Variants in UBE2G1 observed in about 807,000 individuals in gnomAD.
UBE2G1 encodes ubiquitin conjugating enzyme E2 G1.
Under a neutral mutation model 22.7 loss-of-function variants are expected in UBE2G1, and 5 were observed. That is an observed-to-expected ratio of 0.22 (90% confidence interval 0.12 to 0.46). UBE2G1 has a LOEUF of 0.46. Among genes scored for constraint, UBE2G1 ranks in the 20% least tolerant of loss-of-function variants. The pLI, the probability that UBE2G1 is intolerant of heterozygous loss-of-function variation, is 0.99. For synonymous variants in UBE2G1, 74 were observed against 67.5 expected (o/e 1.10, Z -0.47); for missense variants, 88 against 203.9 (o/e 0.43, Z 3.46).
intron 1 of UBE2G1, 96 bp downstream of exon 1, chr17:4,366,175 G>A (rs915555268): frequency 2.3e-6 from 3 of 1,330,876 alleles, no homozygotes; most frequent in Non-Finnish European, 3.0e-6. Flanking sequence ...GGGCCCCTTC[G>A]GCAGTACGGC....
At chr17:4,331,759 G>A (rs560230594) in intron 1 of UBE2G1, 1 of 152,202 alleles carries the variant, frequency 6.6e-6, no homozygotes, top group Non-Finnish European at 1.5e-5. Flanking sequence ...AGGGAGCAGA[G>A]AGCAGAATAC....
intron 1 of UBE2G1, among the ~76,000 whole-genome samples, chr17:4,319,581 A>G (rs1245768204): frequency 6.6e-6 from 1 of 152,186 alleles, no homozygotes; most frequent in African/African-American, 2.4e-5. Flanking sequence ...CAAAAAATAC[A>G]AAAATTAGCT....
chr17:4,276,223 C>T (rs1968819802), intron 5 of UBE2G1, among the ~76,000 whole-genome samples: 1 of 152,176 alleles, frequency 6.6e-6, no homozygotes, highest in Non-Finnish European at 1.5e-5. Flanking sequence ...CAGAGTTACC[C>T]TCTGTCGCCC....
At chr17:4,353,805 C>T (rs1402619399) in intron 1 of UBE2G1, among the ~76,000 whole-genome samples, 4 of 146,812 alleles carry the variant, frequency 2.7e-5, no homozygotes, top group Admixed American at 1.4e-4. Flanking sequence ...CCACCGTGCC[C>T]GGTCAAATTT....
At chr17:4,313,499 T>C (rs1346924114) in intron 1 of UBE2G1, among the ~76,000 whole-genome samples, 2 of 152,126 alleles carry the variant, frequency 1.3e-5, no homozygotes, top group African/African-American at 4.8e-5. Context: ...GAGATAAAAT[T>C]AAGAGTTGGA....
At chr17:4,325,479 A>G (rs909244120) in intron 1 of UBE2G1, among the ~76,000 whole-genome samples, 3 of 152,232 alleles carry the variant, frequency 2.0e-5, no homozygotes, top group Non-Finnish European at 4.4e-5. Context: ...TGAAAGAGAC[A>G]TATGCTGGAA....
At chr17:4,295,287 G>C (rs755821201) in intron 3 of UBE2G1, among the ~76,000 whole-genome samples, 1 of 152,148 alleles carries the variant, frequency 6.6e-6, no homozygotes, top group Non-Finnish European at 1.5e-5. Context: ...GCCATCAACT[G>C]TTAGAGATAT....
chr17:4,356,863 TAATG>T (rs1969911658), intron 1 of UBE2G1, among the ~76,000 whole-genome samples: 3 of 152,224 alleles, frequency 2.0e-5, no homozygotes, highest in Non-Finnish European at 4.4e-5. Flanking sequence ...GGATTGATAA[TAATG>T]CATGGTTACA....
At chr17:4,301,036 T>C (rs1969172291) in intron 2 of UBE2G1, among the ~76,000 whole-genome samples, 1 of 152,118 alleles carries the variant, frequency 6.6e-6, no homozygotes, top group Non-Finnish European at 1.5e-5. Flanking sequence ...GAGGCCTCCA[T>C]TACTGTTTTT....
At chr17:4,304,855 G>C (rs1165390081) in intron 2 of UBE2G1, among the ~76,000 whole-genome samples, 1 of 151,766 alleles carries the variant, frequency 6.6e-6, no homozygotes, top group Non-Finnish European at 1.5e-5. Flanking sequence ...ACTTCCAATA[G>C]TGCTCTTCAA....
rs1222590034 is a variant in UBE2G1 at position 4,270,426 on chromosome 17, G to A, written c.*2128C>T. ...TAGCCAGGCATGGTGGCATACACCT[G>A]TAGTCCTAGCTACTCAGGAGGCTGA... On this transcript the variant is annotated 3_prime_UTR_variant, in exon 6 of 6. Coordinates refer to ENST00000396981, the MANE Select transcript of UBE2G1 (RefSeq NM_003342.5). 1 of 152,138 alleles carries A rather than the reference G, an allele frequency of 6.6e-6. No individual in the cohort carries two copies. The highest frequency in any genetic ancestry group is 1.5e-5 in the Non-Finnish European group (1 of 68,146). The allele number at this position is 152,138 out of a possible 1,614,324, so 9.4% of individuals were successfully genotyped here.
At chr17:4,286,920 C>G (rs1968970585) in intron 4 of UBE2G1, among the ~76,000 whole-genome samples, 1 of 152,048 alleles carries the variant, frequency 6.6e-6, no homozygotes, top group Non-Finnish European at 1.5e-5. Flanking sequence ...TTCCGCACGT[C>G]TGTAATACCA....
chr17:4,293,128 T>C (rs1045851747), intron 3 of UBE2G1, among the ~76,000 whole-genome samples: 1 of 152,120 alleles, frequency 6.6e-6, no homozygotes, highest in Non-Finnish European at 1.5e-5. Flanking sequence ...TTAGCAACCA[T>C]TCCTCAATCC....
At chr17:4,280,901 G>C (rs1304039844) in intron 5 of UBE2G1, among the ~76,000 whole-genome samples, 1 of 152,104 alleles carries the variant, frequency 6.6e-6, no homozygotes, top group Non-Finnish European at 1.5e-5. Context: ...CCAAAGTGCT[G>C]GGATTACAGG....
At position 4,304,140 on chromosome 17, in the gene UBE2G1, C is replaced by A. The variant is rs558788217; in HGVS notation, c.149+2881G>T. On this transcript the variant is annotated intron_variant, in intron 2 of 5. Coordinates refer to ENST00000396981, the MANE Select transcript of UBE2G1 (RefSeq NM_003342.5). Reference sequence around the variant, plus strand: ...CTGGGCTCAGCCTCCTGACTGCAGGCATGCATCACCATGCTTGACTTATTT... The same window carrying A: ...CTGGGCTCAGCCTCCTGACTGCAGGAATGCATCACCATGCTTGACTTATTT... Among the ~76,000 whole-genome samples the A allele has an allele frequency of 2.0e-5, 3 of 152,242 alleles. No homozygotes were observed. In the South Asian group the frequency reaches 6.2e-4, roughly 32 times the overall value.
intron 1 of UBE2G1, among the ~76,000 whole-genome samples, chr17:4,357,942 T>C (rs1048361384): frequency 2.6e-5 from 4 of 151,450 alleles, no homozygotes; most frequent in African/African-American, 7.3e-5. Flanking sequence ...TCTATTTTTA[T>C]AAAAAATTTT....
At chr17:4,296,239 A>G (rs1469527134) in intron 3 of UBE2G1, among the ~76,000 whole-genome samples, 7 of 152,054 alleles carry the variant, frequency 4.6e-5, no homozygotes, top group African/African-American at 1.7e-4. Context: ...TAAATAAAAA[A>G]TAACTTTTTC....
chr17:4,300,047 G>A (rs1444460183), intron 2 of UBE2G1, among the ~76,000 whole-genome samples: 5 of 149,372 alleles, frequency 3.3e-5, no homozygotes, highest in Non-Finnish European at 5.9e-5. Context: ...GGCTGGTCTT[G>A]AACTCCTGAC....
chr17:4,357,704 T>C (rs753228935), intron 1 of UBE2G1, among the ~76,000 whole-genome samples: 46 of 151,988 alleles, frequency 3.0e-4, no homozygotes, highest in Non-Finnish European at 6.2e-4. Context: ...AAGAATTTTA[T>C]ACAAAGGTGC....
Sources: gnomAD v4.1 joint callset for allele counts (sites outside exome capture counted in the v4.1 genomes callset) on GRCh38, gnomAD v4.1.1 for gene constraint, MANE v1.5 for transcripts, NCBI Gene and HGNC (gene_info 2026-07-23, HGNC 2026-07-21) for gene names.